STARD13: variants seen among roughly 807,000 people sequenced by gnomAD.
The protein encoded by STARD13 is StAR related lipid transfer domain containing 13.
Under a neutral mutation model 106.4 loss-of-function variants are expected in STARD13, and 62 were observed. The observed-to-expected ratio is 0.58, with a 90% CI of 0.48 to 0.72. The LOEUF is 0.72. STARD13 is among the 30% of genes least tolerant of loss of function. The pLI is 0.00. For synonymous variants in STARD13, 565 were observed against 553.0 expected (o/e 1.02, Z -0.31); for missense variants, 1,387 against 1,424.0 (o/e 0.97, Z 0.42).
In STARD13 at chr13:33,218,457, C is replaced by A. The variant is rs1254355760; in HGVS notation, c.170-50835G>T. Reference sequence around the variant, plus strand: ...CTGCATGTAAGTTCTTCTCAATAAACCCTATGTCTCATTTGCTGACTCTTG... The same window carrying A: ...CTGCATGTAAGTTCTTCTCAATAAAACCTATGTCTCATTTGCTGACTCTTG... On this transcript the variant is annotated intron_variant, in intron 1 of 13. Coordinates refer to ENST00000336934, the MANE Select transcript of STARD13 (RefSeq NM_178006.4). Among the ~76,000 whole-genome samples the A allele has an allele frequency of 3.3e-5, 5 of 152,314 alleles. No individual in the cohort carries two copies. The South Asian group carries it at 8.3e-4, about 25-fold the overall frequency.
At chr13:33,307,896 T>G (rs1411246581) in intron 1 of STARD13, among the ~76,000 whole-genome samples, 2 of 152,218 alleles carry the variant, frequency 1.3e-5, no homozygotes, top group Non-Finnish European at 2.9e-5. Context: ...TATAATCAAA[T>G]GTCTTAAACA....
chr13:33,325,471 G>A (rs555312231), intron 1 of STARD13, among the ~76,000 whole-genome samples: 2 of 152,234 alleles, frequency 1.3e-5, no homozygotes, highest in African/African-American at 2.4e-5. Flanking sequence ...AGGATTTTGA[G>A]TCCTTTTCTT....
chr13:33,518,232 C>G, the STARD13 span, among the ~76,000 whole-genome samples: 1 of 152,080 alleles, frequency 6.6e-6, no homozygotes, highest in Non-Finnish European at 1.5e-5. Flanking sequence ...AAAATTACCC[C>G]CCATCCCAGA....
chr13:33,258,953 T>G (rs902123501), intron 1 of STARD13, among the ~76,000 whole-genome samples: 1 of 152,240 alleles, frequency 6.6e-6, no homozygotes, highest in Non-Finnish European at 1.5e-5. Context: ...TTCTGTTCTA[T>G]CTTTGCTGGG....
chr13:33,172,442 CT>C (rs1431992673), intron 1 of STARD13, among the ~76,000 whole-genome samples: 1 of 152,104 alleles, frequency 6.6e-6, no homozygotes, highest in Non-Finnish European at 1.5e-5. Flanking sequence ...CAAGCTGTTT[CT>C]TTAATGTAGT....
intron 1 of STARD13, among the ~76,000 whole-genome samples, chr13:33,337,055 T>C (rs2077905619): frequency 6.6e-6 from 1 of 152,122 alleles, no homozygotes; most frequent in South Asian, 2.1e-4. Context: ...ATGTAAAATA[T>C]TTACATTTGC....
At chr13:33,605,686 C>G in the STARD13 span, among the ~76,000 whole-genome samples, 3 of 152,132 alleles carry the variant, frequency 2.0e-5, no homozygotes, top group Non-Finnish European at 4.4e-5. Flanking sequence ...TTTCAAATCT[C>G]TTAATAGAGT....
intron 1 of STARD13, among the ~76,000 whole-genome samples, chr13:33,253,117 C>G (rs554784505): frequency 1.3e-5 from 2 of 152,292 alleles, no homozygotes; most frequent in East Asian, 3.9e-4. Flanking sequence ...TTTATGCCTC[C>G]AGAACACCAT....
the STARD13 span, among the ~76,000 whole-genome samples, chr13:33,627,135 T>C: frequency 6.6e-6 from 1 of 152,228 alleles, no homozygotes. Flanking sequence ...ATCTAGACAG[T>C]GTTAGCTTGG....
At chr13:33,602,144 T>A in the STARD13 span, among the ~76,000 whole-genome samples, 1 of 148,310 alleles carries the variant, frequency 6.7e-6, no homozygotes, top group South Asian at 2.1e-4. Flanking sequence ...CAGGCTGGAG[T>A]GCAGTGACAA....
At chr13:33,308,520 C>CTTTCTTTTTTTTTTTTT (rs1893003354) in intron 1 of STARD13, among the ~76,000 whole-genome samples, 3 of 88,554 alleles carry the variant, frequency 3.4e-5, no homozygotes, top group African/African-American at 8.8e-5. Flanking sequence ...CTTTTTCTTT[C>CTTTCTTTTTTTTTTTTT]TTTTTTTTTT....
intron 8 of STARD13, among the ~76,000 whole-genome samples, chr13:33,116,276 A>G (rs1363312047): frequency 6.6e-6 from 1 of 152,188 alleles, no homozygotes; most frequent in African/African-American, 2.4e-5. Flanking sequence ...CACATATCTC[A>G]GCCTTCAGTT....
At chr13:33,423,236 C>A in the STARD13 span, among the ~76,000 whole-genome samples, 1 of 152,114 alleles carries the variant, frequency 6.6e-6, no homozygotes, top group Non-Finnish European at 1.5e-5. Flanking sequence ...AGAACTTAAA[C>A]AAATTTACAA....
chr13:33,510,830 C>T, the STARD13 span, among the ~76,000 whole-genome samples: 6 of 152,108 alleles, frequency 3.9e-5, no homozygotes, highest in South Asian at 1.0e-3. Context: ...GACTGATAAG[C>T]CCTGGTTTTC....
At chr13:33,135,824 C>T (rs1878978487) in intron 4 of STARD13, among the ~76,000 whole-genome samples, 1 of 152,112 alleles carries the variant, frequency 6.6e-6, no homozygotes, top group South Asian at 2.1e-4. Flanking sequence ...AACTTGTTGT[C>T]ACATTAAAAA....
chr13:33,375,678 C>T, the STARD13 span, among the ~76,000 whole-genome samples: 1 of 152,136 alleles, frequency 6.6e-6, no homozygotes, highest in African/African-American at 2.4e-5. Flanking sequence ...TGAGAACTCA[C>T]TATCATGAAA....
rs570155370 is a variant in STARD13 at position 33,265,238 on chromosome 13, T to C, written c.169+20232A>G. On this transcript the variant is annotated intron_variant, in intron 1 of 13. Transcript: ENST00000336934. The stretch of plus-strand genomic sequence containing the variant: ...TTAATAGCTCTTATAAAATACTCTA[T>C]GAGTATTTTTTATTCAGTATCAGTG... Among the ~76,000 whole-genome samples the C allele has an allele frequency of 9.8e-5, 15 of 152,312 alleles. No homozygotes were observed. The South Asian group carries it at 1.2e-3, about 13-fold the overall frequency.
chr13:33,240,648 T>A (rs1889429734), intron 1 of STARD13, among the ~76,000 whole-genome samples: 1 of 151,956 alleles, frequency 6.6e-6, no homozygotes, highest in African/African-American at 2.4e-5. Flanking sequence ...CCTAAGTTTA[T>A]CCTTAAGTAT....
chr13:33,635,397 C>T, the STARD13 span, among the ~76,000 whole-genome samples: 20 of 152,206 alleles, frequency 1.3e-4, no homozygotes, highest in East Asian at 1.9e-4. Context: ...TGGTGGCTCA[C>T]GCCTGTAATC....
Sources: gnomAD v4.1 joint callset for allele counts (sites outside exome capture counted in the v4.1 genomes callset) on GRCh38, gnomAD v4.1.1 for gene constraint, MANE v1.5 for transcripts, NCBI Gene and HGNC (gene_info 2026-07-23, HGNC 2026-07-21) for gene names.